Variants in MDGA2 observed in about 807,000 individuals in gnomAD.
MDGA2 encodes the protein MAM domain containing glycosylphosphatidylinositol anchor 2.
MDGA2 carries 40 observed loss-of-function variants against 117.8 expected under a neutral mutation model. That is an observed-to-expected ratio of 0.34 (90% CI 0.26 to 0.44). The LOEUF is 0.44. Ranked by LOEUF, MDGA2 falls within the 20% of genes least tolerant of loss-of-function variation. The pLI is 1.00. For synonymous variants in MDGA2, 452 were observed against 439.0 expected (o/e 1.03, Z -0.37); for missense variants, 1,123 against 1,250.6 (o/e 0.90, Z 1.54).
rs2138241050 is a variant in MDGA2 at position 47,639,118 on chromosome 14, T to C, written c.280+35399A>G. ...TTAGGAACCTCCTGCCATTTTTCTT[T>C]ATCTTCTCATCTTATTTTATATTTC... On this transcript the variant is annotated intron_variant, in intron 1 of 16. Transcript: ENST00000399232. 1.3e-5 allele frequency among the ~76,000 whole-genome samples: 2 copies of C among 152,332 alleles called. 1 individual carries two copies. The highest frequency in any genetic ancestry group is 6.8e-3 in the Middle Eastern group (2 of 294).
intron 1 of MDGA2, among the ~76,000 whole-genome samples, chr14:47,572,079 A>G (rs1326477317): frequency 6.6e-6 from 1 of 152,180 alleles, no homozygotes; most frequent in Non-Finnish European, 1.5e-5. Context: ...CATGTCTTCC[A>G]TGTCTGTTTT....
chr14:47,087,368 T>C (rs1440594659), intron 6 of MDGA2, among the ~76,000 whole-genome samples: 2 of 148,160 alleles, frequency 1.3e-5, no homozygotes, highest in Non-Finnish European at 3.0e-5. Context: ...ACACAAAAAA[T>C]TAGCCAGGCA....
At chr14:47,441,992 A>G (rs1272287609) in intron 1 of MDGA2, among the ~76,000 whole-genome samples, 1 of 151,526 alleles carries the variant, frequency 6.6e-6, no homozygotes, top group East Asian at 2.0e-4. Context: ...TTAAGGTTCT[A>G]TTTAGGAAAA....
At chr14:47,659,133 T>C (rs1026828321) in intron 1 of MDGA2, among the ~76,000 whole-genome samples, 6 of 152,362 alleles carry the variant, frequency 3.9e-5, no homozygotes, top group African/African-American at 1.4e-4. Flanking sequence ...CACCCTGCTA[T>C]GTCAATAAAT....
At chr14:47,253,776 C>T (rs1887525410) in intron 2 of MDGA2, among the ~76,000 whole-genome samples, 1 of 152,264 alleles carries the variant, frequency 6.6e-6, no homozygotes, top group African/African-American at 2.4e-5. Context: ...TCCAACTCCA[C>T]ATTTCCCTTC....
chr14:46,859,901 G>T (rs575261000), intron 14 of MDGA2, among the ~76,000 whole-genome samples: 2 of 152,064 alleles, frequency 1.3e-5, no homozygotes, highest in Non-Finnish European at 2.9e-5. Flanking sequence ...GAACAGAAAA[G>T]ACAATATAAC....
At chr14:47,034,153 C>G (rs1265903869) in intron 8 of MDGA2, among the ~76,000 whole-genome samples, 2 of 152,086 alleles carry the variant, frequency 1.3e-5, no homozygotes, top group African/African-American at 4.8e-5. Flanking sequence ...TAGTTTTCTT[C>G]TTTTTCAGCA....
At chr14:47,047,076 A>G (rs906171161) in intron 7 of MDGA2, among the ~76,000 whole-genome samples, 1 of 152,174 alleles carries the variant, frequency 6.6e-6, no homozygotes, top group Admixed American at 6.6e-5. Flanking sequence ...AAATTTGGCT[A>G]TTCATTATCT....
At chr14:47,034,370 CTTAT>C (rs746992711) in intron 8 of MDGA2, among the ~76,000 whole-genome samples, 51 of 152,020 alleles carry the variant, frequency 3.4e-4, no homozygotes, top group Admixed American at 3.9e-4. Context: ...TAAAATGTAT[CTTAT>C]TCAATTCTCA....
At chr14:47,457,352 A>C (rs7146842) in intron 1 of MDGA2, among the ~76,000 whole-genome samples, 1 of 151,996 alleles carries the variant, frequency 6.6e-6, no homozygotes, top group Non-Finnish European at 1.5e-5. Context: ...TAAAAGGCAC[A>C]CTTTCTGCAA....
chr14:46,957,302 T>C (rs1885599968), intron 9 of MDGA2, 72 bp downstream of exon 9: 3 of 1,421,372 alleles, frequency 2.1e-6, no homozygotes, highest in African/African-American at 1.4e-5. Context: ...TTCATTCTTA[T>C]ATTGACATAG....
chr14:47,255,743 C>A (rs1887595969), intron 2 of MDGA2, among the ~76,000 whole-genome samples: 1 of 151,958 alleles, frequency 6.6e-6, no homozygotes, highest in Non-Finnish European at 1.5e-5. Context: ...CTCATATTTT[C>A]ACATTCCTTG....
At chr14:47,359,861 G>C (rs1180229028) in intron 1 of MDGA2, among the ~76,000 whole-genome samples, 1 of 150,844 alleles carries the variant, frequency 6.6e-6, no homozygotes, top group South Asian at 2.1e-4. Context: ...TGCAACAAAA[G>C]CAAAAATAAA....
At chr14:47,204,922 G>A (rs1885627999) in intron 3 of MDGA2, among the ~76,000 whole-genome samples, 1 of 151,802 alleles carries the variant, frequency 6.6e-6, no homozygotes, top group African/African-American at 2.4e-5. Flanking sequence ...ATGAAGATTT[G>A]AACAATCTAC....
At chr14:47,315,771 A>G (rs1287760930) in intron 1 of MDGA2, among the ~76,000 whole-genome samples, 2 of 152,164 alleles carry the variant, frequency 1.3e-5, no homozygotes, top group African/African-American at 4.8e-5. Flanking sequence ...CCAAATACCA[A>G]CATTACAATT....
At chr14:47,560,296 C>T (rs1436004840) in intron 1 of MDGA2, among the ~76,000 whole-genome samples, 1 of 152,026 alleles carries the variant, frequency 6.6e-6, no homozygotes, top group East Asian at 1.9e-4. Context: ...TGGTCTCGAC[C>T]TCCTGACCTC....
intron 1 of MDGA2, among the ~76,000 whole-genome samples, chr14:47,658,482 G>T (rs561020037): frequency 6.6e-6 from 1 of 152,204 alleles, no homozygotes; most frequent in South Asian, 2.1e-4. Context: ...TATCAGACAC[G>T]GTTCTGAGAC....
intron 10 of MDGA2, among the ~76,000 whole-genome samples, chr14:46,905,475 G>C (rs1189925896): frequency 6.6e-6 from 1 of 151,858 alleles, no homozygotes; most frequent in Non-Finnish European, 1.5e-5. Flanking sequence ...CATAATTGTT[G>C]ATACCAATTT....
At position 47,061,295 on chromosome 14, in the gene MDGA2, T is replaced by G. The variant is rs1366355879; in HGVS notation, c.1479A>C (p.Gly493=). 5 of 1,613,436 alleles carry G rather than the reference T, an allele frequency of 3.1e-6. No individual in the cohort carries two copies. The highest frequency in any genetic ancestry group is 4.2e-6 in the Non-Finnish European group (5 of 1,179,584). Residue 493 remains glycine (G), a synonymous_variant, in exon 7 of 17, where the codon GGA becomes GGC. Coordinates refer to ENST00000399232, the MANE Select transcript of MDGA2 (RefSeq NM_001113498.3). ...TYTCVASLKG[G]GISDISIDVN... The stretch of plus-strand genomic sequence containing the variant: ...CATCGATACTGATATCAGATATTCC[T>G]CCTCCCTTCAGAGATGCTACACATG...
Sources: gnomAD v4.1 joint callset for allele counts (sites outside exome capture counted in the v4.1 genomes callset) on GRCh38, gnomAD v4.1.1 for gene constraint, MANE v1.5 for transcripts, NCBI Gene and HGNC (gene_info 2026-07-23, HGNC 2026-07-21) for gene names.